The following CREB3L2 variants were observed in gnomAD, a reference collection of about 807,000 sequenced individuals.
CREB3L2 encodes the protein cyclic AMP-responsive element-binding protein 3-like protein 2.
Under a neutral mutation model 57.2 loss-of-function variants are expected in CREB3L2, and 23 were observed. The ratio of observed to expected loss-of-function variants is 0.40; its 90% CI spans 0.29 to 0.57. The LOEUF is 0.57. Among genes scored for constraint, CREB3L2 ranks in the 20% least tolerant of loss-of-function variants. The pLI is 0.42. For missense variants in CREB3L2, 628 were observed against 634.7 expected, an observed-to-expected ratio of 0.99 and a Z score of 0.11; for synonymous variants, 268 against 265.1, an observed-to-expected ratio of 1.01 and a Z score of -0.11.
At chr7:137,957,008 C>T (rs935113100) in intron 1 of CREB3L2, among the ~76,000 whole-genome samples, 2 of 152,268 alleles carry the variant, frequency 1.3e-5, no homozygotes, top group South Asian at 2.1e-4. Flanking sequence ...CCCCCACCCC[C>T]CAGTGTACAT....
chr7:137,995,468 G>A (rs1367837249), intron 1 of CREB3L2, among the ~76,000 whole-genome samples: 1 of 150,426 alleles, frequency 6.6e-6, no homozygotes, highest in African/African-American at 2.4e-5. Context: ...CCGAGTAGCT[G>A]GGATTACAGG....
At chr7:137,967,100 T>C (rs1801420090) in intron 1 of CREB3L2, among the ~76,000 whole-genome samples, 3 of 152,194 alleles carry the variant, frequency 2.0e-5, no homozygotes, top group Admixed American at 2.0e-4. Context: ...CTTCCTCTCC[T>C]TCCCACTCCT....
chr7:137,882,414 G>A lies in CREB3L2; in HGVS notation c.1485C>T (p.His495=), dbSNP rs1410829863. 6.2e-7 allele frequency: 1 copy of A among 1,611,562 alleles called. No homozygotes were observed. Among genetic ancestry groups the A allele is most frequent in the Non-Finnish European group, 8.5e-7 (1 of 1,178,250 alleles). ...EKSVLLELQQ[H]LVSAKLEGNE... is the part of the protein sequence containing the mutation. ...GGCTCTGTGTCTCTATGACTCACAGGTGCTGCTGCAGCTCCAAAAGCACTG... is the reference window on the plus strand; with the variant it reads ...GGCTCTGTGTCTCTATGACTCACAGATGCTGCTGCAGCTCCAAAAGCACTG... The change falls in exon 11 of 12, where the codon CAC becomes CAT. Residue 495 remains histidine, a splice_region_variant and synonymous_variant. Coordinates refer to ENST00000330387, the MANE Select transcript of CREB3L2 (RefSeq NM_194071.4).
rs1304443871 is a variant in CREB3L2, at chr7:137,877,890, C to G, written c.*2586G>C. 3.1e-5 allele frequency: 7 copies of G among 228,460 alleles called. No individual in the cohort carries two copies. Among genetic ancestry groups the G allele is most frequent in the Admixed American group, 5.7e-5 (1 of 17,618 alleles). The allele number at this position is 228,460 out of a possible 1,614,324, so 14.2% of individuals were successfully genotyped here. On this transcript the variant is annotated 3_prime_UTR_variant, in exon 12 of 12. Transcript: ENST00000330387. ...TTGGAACCAATCTGGTGCTATACAA[C>G]TCTTCTGTGTCCTCTTGACCCCATT... is the stretch of plus-strand genomic sequence containing the variant.
chr7:137,888,240 AG>A (rs1563239508), intron 8 of CREB3L2, among the ~76,000 whole-genome samples: 3 of 152,242 alleles, frequency 2.0e-5, no homozygotes, highest in Non-Finnish European at 4.4e-5. Context: ...CTGGAATTAC[AG>A]GCATGAGCCA....
intron 1 of CREB3L2, among the ~76,000 whole-genome samples, chr7:137,956,305 T>G (rs529968476): frequency 6.6e-6 from 1 of 152,350 alleles, no homozygotes; most frequent in East Asian, 1.9e-4. Context: ...TAGAGCATTT[T>G]CAAATAAGTG....
rs755421445 is a variant in CREB3L2 at position 137,880,491 on chromosome 7, C to G, written c.1548G>C (p.Val516=). 37 of 1,613,446 alleles carry G rather than the reference C, an allele frequency of 2.3e-5. No individual in the cohort carries two copies. The South Asian group carries it at 3.6e-4, about 16-fold the overall frequency. The change falls in exon 12 of 12, where the codon GTG becomes GTC. Residue 516 remains valine, a synonymous_variant. Transcript: ENST00000330387. This position sits in a 1 kb window ranked among gnomAD's most constrained non-coding sequence, Gnocchi z 4.0. ...GGCAGCCTCTTTAGAAAGTGGTGTT[C>G]ACTCTTCTGTCGAGTTCTACAACTT... The part of the protein sequence containing the change: ...TLKVVELDRR[V]NTTF
At chr7:137,930,083 G>C (rs964877815) in intron 1 of CREB3L2, among the ~76,000 whole-genome samples, 2 of 151,708 alleles carry the variant, frequency 1.3e-5, no homozygotes, top group Admixed American at 1.3e-4. Context: ...ATTTGTAGTA[G>C]AGACAGGGTT....
At position 137,896,592 on chromosome 7, in the gene CREB3L2, C is replaced by T. The variant is rs144704930; in HGVS notation, c.1043+4762G>A. Among the ~76,000 whole-genome samples the T allele has an allele frequency of 3.5e-3, 530 of 152,244 alleles. 3 individuals carry two copies. The highest frequency in any genetic ancestry group is 0.012 in the African/African-American group (488 of 41,544). ...CTGGGATTACAGGTGTGAGCCACCG[C>T]GCCAGGTCTTAAATATTATGATCTT... is the stretch of plus-strand genomic sequence containing the variant. On this transcript the variant is annotated intron_variant, in intron 8 of 11. Coordinates refer to ENST00000330387, the MANE Select transcript of CREB3L2 (RefSeq NM_194071.4).
At chr7:137,893,296 T>C (rs1355756191) in intron 8 of CREB3L2, among the ~76,000 whole-genome samples, 1 of 152,234 alleles carries the variant, frequency 6.6e-6, no homozygotes. Context: ...CTGGGGAACT[T>C]AGTTTAGTAC....
intron 1 of CREB3L2, among the ~76,000 whole-genome samples, chr7:137,939,698 A>G (rs1474896736): frequency 2.6e-5 from 4 of 152,196 alleles, no homozygotes; most frequent in Non-Finnish European, 5.9e-5. Flanking sequence ...TGTTCTTGTC[A>G]TCCATAGTGG....
rs140163626 is a variant in CREB3L2 at position 137,882,491 on chromosome 7, C to T, written c.1408G>A (p.Asp470Asn). ...ATAATGAAATGGGGAAGATCCACAT[C>T]CGGCCTGGACTCCAGCCCTGACACC... ...LRVSGLESRPDVDLPHFIISN... is the reference protein window; with the variant it reads ...LRVSGLESRPNVDLPHFIISN... Residue 470 changes from aspartate (D) to asparagine (N), a missense_variant, in exon 11 of 12, where the codon GAT (aspartate) becomes AAT (asparagine). Around this residue, in one of 3 missense-constraint regions of CREB3L2, gnomAD observed 272 missense variants for 242.7 expected, o/e 1.12. Coordinates refer to ENST00000330387, the MANE Select transcript of CREB3L2 (RefSeq NM_194071.4). 3.3e-5 allele frequency: 54 copies of T among 1,614,090 alleles called. No individual in the cohort carries two copies. Among genetic ancestry groups the T allele is most frequent in the Non-Finnish European group, 4.4e-5 (52 of 1,179,960 alleles).
At chr7:137,884,940 C>T in intron 10 of CREB3L2, 55 bp downstream of exon 10, 2 of 1,609,322 alleles carry the variant, frequency 1.2e-6, no homozygotes, top group Non-Finnish European at 1.7e-6. Context: ...ACTGAGAAAC[C>T]CAGCTCTAGG....
Position 137,951,851 on chromosome 7 carries a change from G to A in CREB3L2, c.103-23485C>T, listed in dbSNP as rs552490802. Among the ~76,000 whole-genome samples the A allele has an allele frequency of 9.2e-4, 140 of 152,228 alleles. 1 individual carries two copies. Among genetic ancestry groups the A allele is most frequent in the African/African-American group, 3.0e-3 (126 of 41,546 alleles). On this transcript the variant is annotated intron_variant, in intron 1 of 11. Coordinates refer to ENST00000330387, the MANE Select transcript of CREB3L2 (RefSeq NM_194071.4). ...AAAAAAATGTTTTAATTAGCTGGGC[G>A]TGGTGGTGCACAGCTGCAGTCCCAG... is the stretch of plus-strand genomic sequence containing the variant.
intron 1 of CREB3L2, among the ~76,000 whole-genome samples, chr7:137,998,317 G>T (rs1363360731): frequency 6.6e-6 from 1 of 152,360 alleles, no homozygotes; most frequent in East Asian, 1.9e-4. Context: ...TGCTAAAACA[G>T]AGCATTAGCA....
At chr7:137,947,770 G>A (rs1186336127) in intron 1 of CREB3L2, among the ~76,000 whole-genome samples, 1 of 152,172 alleles carries the variant, frequency 6.6e-6, no homozygotes, top group African/African-American at 2.4e-5. Context: ...TTTTTGAAAT[G>A]CTCAAAGTAG....
intron 1 of CREB3L2, among the ~76,000 whole-genome samples, chr7:137,952,279 C>T (rs1002493625): frequency 6.6e-6 from 1 of 152,112 alleles, no homozygotes; most frequent in Non-Finnish European, 1.5e-5. Flanking sequence ...AAAAGATCTT[C>T]CTAGTATGGA....
chr7:137,897,960 C>T (rs961157435), intron 8 of CREB3L2, among the ~76,000 whole-genome samples: 13 of 151,950 alleles, frequency 8.6e-5, no homozygotes, highest in African/African-American at 3.1e-4. Flanking sequence ...CAAAAATTAA[C>T]AAAATGAAAA....
In CREB3L2 at chr7:137,875,482, C is replaced by T. The variant is rs146438304; in HGVS notation, c.*4994G>A. 4.5e-6 allele frequency: 1 copy of T among 223,672 alleles called. No individual in the cohort carries two copies. Among genetic ancestry groups the T allele is most frequent in the Non-Finnish European group, 8.9e-6 (1 of 111,984 alleles). The allele number at this position is 223,672 out of a possible 1,614,324, so 13.9% of individuals were successfully genotyped here. ...GAACAGAGCTAAAACCCCTGGTTTT[C>T]CTTTCCCCAGATGTAAAGCCTGCTA... On this transcript the variant is annotated 3_prime_UTR_variant, in exon 12 of 12. Coordinates refer to ENST00000330387, the MANE Select transcript of CREB3L2 (RefSeq NM_194071.4).
Sources: allele counts gnomAD v4.1 joint callset (sites outside exome capture counted in the v4.1 genomes callset), GRCh38; gene constraint gnomAD v4.1.1; regional missense constraint gnomAD v4.1.1; non-coding constraint Gnocchi (gnomAD v3.1); transcripts MANE v1.5; gene names NCBI Gene and HGNC (gene_info 2026-07-23, HGNC 2026-07-21).